Variants in DENND5B observed in about 807,000 individuals in gnomAD.
The protein encoded by DENND5B is DENN domain containing 5B.
DENND5B carries 34 observed loss-of-function variants against 140.6 expected under a neutral mutation model. The observed-to-expected ratio is 0.24, with a 90% CI of 0.18 to 0.32. The LOEUF (loss-of-function observed/expected upper bound fraction) is 0.32, where lower values mean the gene tolerates loss of function less well. Among genes scored for constraint, DENND5B ranks in the 10% least tolerant of loss-of-function variants. DENND5B has a pLI of 1.00. For synonymous variants in DENND5B, 551 were observed against 562.1 expected (o/e 0.98, Z 0.28); for missense variants, 1,142 against 1,560.2 (o/e 0.73, Z 4.52).
At chr12:31,590,494 G>T in intron 1 of DENND5B, 1 of 544,644 alleles carries the variant, frequency 1.8e-6, no homozygotes, top group African/African-American at 2.0e-5. Flanking sequence ...GCCTGGAGGC[G>T]AAAGCCCCGG....
intron 1 of DENND5B, among the ~76,000 whole-genome samples, chr12:31,550,577 G>A (rs36173682): frequency 6.6e-6 from 1 of 151,410 alleles, no homozygotes; most frequent in Non-Finnish European, 1.5e-5. Context: ...TGGGTATATA[G>A]CCAGTAATGG....
chr12:31,426,006 G>C (rs541798753), intron 9 of DENND5B, among the ~76,000 whole-genome samples: 1 of 152,140 alleles, frequency 6.6e-6, no homozygotes, highest in Non-Finnish European at 1.5e-5. Context: ...CATTCCTGAC[G>C]CAAATTATGA....
intron 1 of DENND5B, chr12:31,541,056 A>G (rs1281487933): frequency 2.3e-6 from 1 of 441,762 alleles, no homozygotes; most frequent in African/African-American, 2.0e-5. Flanking sequence ...AAAAAATCAA[A>G]TGAAAATGGG....
chr12:31,461,482 A>G (rs1280438880), intron 3 of DENND5B, among the ~76,000 whole-genome samples: 1 of 152,196 alleles, frequency 6.6e-6, no homozygotes, highest in Non-Finnish European at 1.5e-5. Context: ...ATACTTACAT[A>G]TGTCCACAAG....
chr12:31,407,935 G>A (rs1256272624), intron 14 of DENND5B, among the ~76,000 whole-genome samples: 1 of 152,144 alleles, frequency 6.6e-6, no homozygotes. Context: ...TAAGGAAGAG[G>A]ACCCACTGCA....
At chr12:31,434,294 T>C (rs1943644156) in intron 7 of DENND5B, among the ~76,000 whole-genome samples, 1 of 152,228 alleles carries the variant, frequency 6.6e-6, no homozygotes, top group African/African-American at 2.4e-5. Flanking sequence ...CTAATTACTA[T>C]GTTCCAGTAT....
intron 3 of DENND5B, among the ~76,000 whole-genome samples, chr12:31,469,347 AAG>A (rs750914945): frequency 0.2 from 11,026 of 56,074 alleles, 548 homozygotes; most frequent in East Asian, 0.48. Context: ...AAAAAAAAAA[AAG>A]AAGAAGAAGA....
chr12:31,475,314 A>G (rs1945748466), intron 3 of DENND5B, among the ~76,000 whole-genome samples: 2 of 151,112 alleles, frequency 1.3e-5, no homozygotes, highest in African/African-American at 4.9e-5. Context: ...TAATCTCAGG[A>G]TTCACTCTGT....
chr12:31,443,525 T>C (rs998789295), intron 6 of DENND5B, among the ~76,000 whole-genome samples: 5 of 152,214 alleles, frequency 3.3e-5, no homozygotes, highest in Non-Finnish European at 5.9e-5. Context: ...TACAATTTTG[T>C]ATTGAAACAG....
rs1302240364 is a variant in DENND5B at position 31,488,918 on chromosome 12, G to A, written c.237+6892C>T. On this transcript the variant is annotated intron_variant, in intron 2 of 20. Coordinates refer to ENST00000389082, the MANE Select transcript of DENND5B (RefSeq NM_144973.4). ...TACTACTAGTAACCAGATTACTTTA[G>A]CCAAAGCAGGCTTATAATGACAAGT... 2.6e-5 allele frequency among the ~76,000 whole-genome samples: 4 copies of A among 152,282 alleles called. No individual in the cohort carries two copies. In the East Asian group the frequency reaches 7.7e-4, roughly 29 times the overall value.
In DENND5B at chr12:31,387,725, A is replaced by G; in HGVS notation, c.3703T>C (p.Tyr1235His). The change falls in exon 21 of 21, where the codon TAT becomes CAT. Residue 1235 changes from tyrosine to histidine, a missense_variant. Around this residue, in one of 5 missense-constraint regions of DENND5B, gnomAD observed 125 missense variants for 179.0 expected, o/e 0.70. Coordinates refer to ENST00000389082, the MANE Select transcript of DENND5B (RefSeq NM_144973.4). ...TCTCGCAGGAGAGCGCTCTCTTCAT[A>G]CATTCGAGTGATGGCAGGACACTCA... ...LAECPAITRM[Y>H]EESALLRDRM... 6.2e-7 allele frequency: 1 copy of G among 1,614,040 alleles called. No individual in the cohort carries two copies. Among genetic ancestry groups the G allele is most frequent in the Non-Finnish European group, 8.5e-7 (1 of 1,179,902 alleles).
intron 1 of DENND5B, among the ~76,000 whole-genome samples, chr12:31,531,392 G>A (rs1948275345): frequency 6.6e-6 from 1 of 152,166 alleles, no homozygotes; most frequent in African/African-American, 2.4e-5. Context: ...TAGAGACAGT[G>A]TTTCGCCATG....
At chr12:31,470,111 C>CTTTTTTTTTTTT (rs762346220) in intron 3 of DENND5B, among the ~76,000 whole-genome samples, 2 of 105,942 alleles carry the variant, frequency 1.9e-5, no homozygotes, top group African/African-American at 7.6e-5. Flanking sequence ...CCATGTCTGG[C>CTTTTTTTTTTTT]TTTTTTTTTT....
chr12:31,511,248 C>G (rs908140722), intron 1 of DENND5B, among the ~76,000 whole-genome samples: 10 of 151,860 alleles, frequency 6.6e-5, no homozygotes, highest in African/African-American at 2.2e-4. Context: ...CAAAAAAAAA[C>G]AAAGATTCTA....
intron 1 of DENND5B, among the ~76,000 whole-genome samples, chr12:31,503,033 C>T (rs1392254725): frequency 2.0e-5 from 3 of 152,100 alleles, no homozygotes; most frequent in Non-Finnish European, 4.4e-5. Flanking sequence ...ACAGAGGGCA[C>T]AGAAGTCAGC....
chr12:31,421,808 T>A (rs947568400), intron 11 of DENND5B, among the ~76,000 whole-genome samples: 1 of 152,170 alleles, frequency 6.6e-6, no homozygotes, highest in Non-Finnish European at 1.5e-5. Flanking sequence ...TGCCTTGCCC[T>A]CCCAAAGTGT....
At chr12:31,538,934 T>C (rs1445495016) in intron 1 of DENND5B, among the ~76,000 whole-genome samples, 1 of 135,224 alleles carries the variant, frequency 7.4e-6, no homozygotes, top group Non-Finnish European at 1.6e-5. Flanking sequence ...ACAAAAAAAA[T>C]ACAAAACTTC....
At chr12:31,466,140 G>C (rs936810520) in intron 3 of DENND5B, among the ~76,000 whole-genome samples, 2 of 151,896 alleles carry the variant, frequency 1.3e-5, no homozygotes, top group African/African-American at 2.4e-5. Context: ...GGATCACAAG[G>C]TCAAGAGATC....
chr12:31,501,189 G>A (rs1269188527), intron 1 of DENND5B, among the ~76,000 whole-genome samples: 1 of 152,176 alleles, frequency 6.6e-6, no homozygotes, highest in African/African-American at 2.4e-5. Context: ...TGAATTATGG[G>A]GTTGGTTACC....
Sources: gnomAD v4.1 joint callset for allele counts (sites outside exome capture counted in the v4.1 genomes callset) on GRCh38, gnomAD v4.1.1 for gene constraint, gnomAD v4.1.1 regional missense constraint, MANE v1.5 for transcripts, NCBI Gene and HGNC (gene_info 2026-07-23, HGNC 2026-07-21) for gene names.